The following RAP1GDS1 variants were observed in gnomAD, a reference collection of about 807,000 sequenced individuals.
RAP1GDS1 encodes the protein Rap1 GTPase-GDP dissociation stimulator 1.
In RAP1GDS1, 35 loss-of-function variants were observed where a neutral mutation model predicts 71.1. That is an observed-to-expected ratio of 0.49 (90% confidence interval 0.38 to 0.65). The LOEUF is 0.65. Ranked by LOEUF, RAP1GDS1 falls within the 30% of genes least tolerant of loss-of-function variation. The pLI, the probability that RAP1GDS1 is intolerant of heterozygous loss-of-function variation, is 0.00. For missense variants in RAP1GDS1, 663 were observed against 706.1 expected, an observed-to-expected ratio of 0.94 and a Z score of 0.69; for synonymous variants, 229 against 243.1, an observed-to-expected ratio of 0.94 and a Z score of 0.54.
At chr4:98,295,075 A>G (rs1283938354) in intron 2 of RAP1GDS1, among the ~76,000 whole-genome samples, 1 of 152,090 alleles carries the variant, frequency 6.6e-6, no homozygotes, top group African/African-American at 2.4e-5. Flanking sequence ...ACTGGAAGAC[A>G]AAGAGATGAA....
intron 2 of RAP1GDS1, among the ~76,000 whole-genome samples, chr4:98,308,416 G>A (rs1729709710): frequency 6.7e-6 from 1 of 148,374 alleles, no homozygotes; most frequent in Non-Finnish European, 1.5e-5. Flanking sequence ...GCTGCAGTGA[G>A]CCATGATTGT....
chr4:98,286,552 G>GT (rs1374975106), intron 1 of RAP1GDS1, among the ~76,000 whole-genome samples: 1 of 152,058 alleles, frequency 6.6e-6, no homozygotes, highest in Non-Finnish European at 1.5e-5. Context: ...AGACTAGAGT[G>GT]TTTCTATTTC....
At chr4:98,426,968 T>G (rs1471671025) in intron 12 of RAP1GDS1, among the ~76,000 whole-genome samples, 1 of 151,974 alleles carries the variant, frequency 6.6e-6, no homozygotes, top group South Asian at 2.1e-4. Context: ...CAAAAATCCT[T>G]AACAAAATAC....
intron 5 of RAP1GDS1, among the ~76,000 whole-genome samples, chr4:98,385,485 A>T (rs1026345973): frequency 6.6e-6 from 1 of 151,830 alleles, no homozygotes; most frequent in African/African-American, 2.4e-5. Context: ...AGATATCTGT[A>T]TTTGCGTGTC....
At chr4:98,400,850 CTTTT>C (rs1056232674) in intron 6 of RAP1GDS1, among the ~76,000 whole-genome samples, 5 of 152,100 alleles carry the variant, frequency 3.3e-5, no homozygotes, top group Non-Finnish European at 5.9e-5. Context: ...AATAATTACA[CTTTT>C]TTATTTTTTG....
rs5860532 is a variant in RAP1GDS1 at position 98,296,029 on chromosome 4, AAACAACAACAAC to A, written c.112+2532_112+2543del. On this transcript the variant is annotated intron_variant, in intron 2 of 14. Coordinates refer to ENST00000408927, the MANE Select transcript of RAP1GDS1 (RefSeq NM_001100427.2). ...TTAGAAGAATCTGTACTTGCTTTTT[AAACAACAACAAC>A]AACAACAACAACAACAAAAACACAG... Among the ~76,000 whole-genome samples, 212 of 150,426 alleles carry A rather than the reference AAACAACAACAAC, an allele frequency of 1.4e-3. 3 individuals carry two copies. The highest frequency in any genetic ancestry group is 4.0e-3 in the African/African-American group (162 of 40,992).
At chr4:98,316,222 G>A (rs1730920574) in intron 2 of RAP1GDS1, among the ~76,000 whole-genome samples, 1 of 152,052 alleles carries the variant, frequency 6.6e-6, no homozygotes. Context: ...TCCAGTGTAG[G>A]TAAGCATGAC....
chr4:98,310,443 C>G (rs1306373590), intron 2 of RAP1GDS1, among the ~76,000 whole-genome samples: 1 of 151,914 alleles, frequency 6.6e-6, no homozygotes, highest in African/African-American at 2.4e-5. Flanking sequence ...ATTGCAATGT[C>G]AAATCAAAAG....
At chr4:98,367,083 G>C (rs528574978) in intron 4 of RAP1GDS1, among the ~76,000 whole-genome samples, 8 of 152,278 alleles carry the variant, frequency 5.3e-5, no homozygotes, top group African/African-American at 1.9e-4. Flanking sequence ...CAGGCCTGGA[G>C]GCCTAGGAAG....
chr4:98,414,686 C>A (rs1747649278), intron 7 of RAP1GDS1, among the ~76,000 whole-genome samples: 1 of 151,154 alleles, frequency 6.6e-6, no homozygotes, highest in African/African-American at 2.4e-5. Flanking sequence ...TTAGGATTGA[C>A]TTGGCGATGC....
At chr4:98,416,987 T>C in intron 8 of RAP1GDS1, 99 bp downstream of exon 8, 1 of 1,338,532 alleles carries the variant, frequency 7.5e-7, no homozygotes, top group Middle Eastern at 2.0e-4. Flanking sequence ...TTTCTCATAT[T>C]CCTATCTCAC....
intron 2 of RAP1GDS1, among the ~76,000 whole-genome samples, chr4:98,300,784 G>A (rs1728466774): frequency 6.6e-6 from 1 of 152,124 alleles, no homozygotes; most frequent in South Asian, 2.1e-4. Flanking sequence ...TTGCTTTATA[G>A]TCACTTTATT....
rs1473556068 is a variant in RAP1GDS1 at position 98,336,988 on chromosome 4, A to C, written c.113-6151A>C. ...CAGCTCACTGCAAACTCTGCCTCCCAGGTTCAAGCGATTCTTATGCCTCAG... is the reference window on the plus strand; with the variant it reads ...CAGCTCACTGCAAACTCTGCCTCCCCGGTTCAAGCGATTCTTATGCCTCAG... On this transcript the variant is annotated intron_variant, in intron 2 of 14. Transcript: ENST00000408927. Among the ~76,000 whole-genome samples the C allele has an allele frequency of 2.0e-5, 3 of 152,000 alleles. No homozygotes were observed. The East Asian group carries it at 5.8e-4, about 29-fold the overall frequency.
At chr4:98,419,906 A>C (rs555154037) in intron 10 of RAP1GDS1, 113 bp from the exon 11 acceptor site, 1 of 1,134,738 alleles carries the variant, frequency 8.8e-7, no homozygotes, top group African/African-American at 1.6e-5. Flanking sequence ...ATTGTTTCTA[A>C]ATGGAAAAAT....
At chr4:98,326,908 G>A (rs754754854) in intron 2 of RAP1GDS1, among the ~76,000 whole-genome samples, 6 of 152,148 alleles carry the variant, frequency 3.9e-5, no homozygotes, top group Non-Finnish European at 8.8e-5. Flanking sequence ...AATTAGTATA[G>A]TCGTTTTTCT....
Position 98,261,445 on chromosome 4 carries a change from CCCCCCGCGGGTCCCT to C in RAP1GDS1, c.-117_-103del. 9.5e-7 allele frequency: 1 copy of C among 1,047,150 alleles called. No homozygotes were observed. Among genetic ancestry groups the C allele is most frequent in the Non-Finnish European group, 1.3e-6 (1 of 779,652 alleles). 64.9% of individuals were successfully genotyped at this position (1,047,150 alleles called of 1,614,324 possible). ...ACCAGCTGCTCCTCCCCGGCGGCCG[CCCCCCGCGGGTCCCT>C]CCCTGGCTGCGGGAGAGACGGAGGT... is the stretch of plus-strand genomic sequence containing the variant. On this transcript the variant is annotated 5_prime_UTR_variant, in exon 1 of 15. Coordinates refer to ENST00000408927, the MANE Select transcript of RAP1GDS1 (RefSeq NM_001100427.2).
intron 10 of RAP1GDS1, 25 bp downstream of exon 10, chr4:98,418,816 C>G (rs756859448): frequency 6.5e-7 from 1 of 1,547,430 alleles, no homozygotes; most frequent in Non-Finnish European, 8.7e-7. Flanking sequence ...TAGAAGGCAG[C>G]TGTGTACAAA....
At chr4:98,373,934 T>C (rs1242443649) in intron 4 of RAP1GDS1, among the ~76,000 whole-genome samples, 5 of 152,202 alleles carry the variant, frequency 3.3e-5, no homozygotes, top group Non-Finnish European at 7.4e-5. Context: ...GTATCTAGCA[T>C]GAATACACCG....
At position 98,358,597 on chromosome 4, in the gene RAP1GDS1, GT is replaced by G. The variant is rs574822182; in HGVS notation, c.361+5999del. Among the ~76,000 whole-genome samples, 257 of 152,004 alleles carry G rather than the reference GT, an allele frequency of 1.7e-3. 1 individual carries two copies. Among genetic ancestry groups the G allele is most frequent in the Non-Finnish European group, 3.1e-3 (209 of 67,894 alleles). ...TCTATTTCTTGAGACCAAAAACCAT[GT>G]TTATCTCTGATTTTTGAGCCCATTA... On this transcript the variant is annotated intron_variant, in intron 4 of 14. Coordinates refer to ENST00000408927, the MANE Select transcript of RAP1GDS1 (RefSeq NM_001100427.2).
Sources: gnomAD v4.1 joint callset for allele counts (sites outside exome capture counted in the v4.1 genomes callset) on GRCh38, gnomAD v4.1.1 for gene constraint, MANE v1.5 for transcripts, NCBI Gene and HGNC (gene_info 2026-07-23, HGNC 2026-07-21) for gene names.